The following TNRC6C variants were observed in gnomAD, a reference collection of about 807,000 sequenced individuals.
The protein encoded by TNRC6C is trinucleotide repeat containing adaptor 6C, also known as trinucleotide repeat-containing gene 6C protein.
TNRC6C carries 20 observed loss-of-function variants against 153.7 expected under a neutral mutation model. That is an observed-to-expected ratio of 0.13 (90% CI 0.09 to 0.19). TNRC6C has a LOEUF of 0.19. Ranked by LOEUF, TNRC6C falls within the 10% of genes least tolerant of loss-of-function variation. The pLI is 1.00. For synonymous variants in TNRC6C, 811 were observed against 841.4 expected (o/e 0.96, Z 0.63); for missense variants, 1,987 against 2,172.0 (o/e 0.91, Z 1.69).
rs1332079577 is a variant in TNRC6C, at chr17:78,049,707, G to A, written c.645G>A (p.Gly215=). Residue 215 remains glycine (G), a synonymous_variant, in exon 3 of 20, where the codon GGG becomes GGA. Transcript: ENST00000301624. The surrounding 1 kb of genome is among the most constrained non-coding windows in gnomAD (Gnocchi z 4.1). ...ACTGGGGCATGGCTGTTGGTATGGG[G>A]GCCATCATCCCGCCCCACCTGCAAG... 1 of 1,603,336 alleles carries A rather than the reference G, an allele frequency of 6.2e-7. No individual in the cohort carries two copies. The highest frequency in any genetic ancestry group is 8.5e-7 in the Non-Finnish European group (1 of 1,173,154).
rs1178493766 is a variant in TNRC6C at position 78,051,545 on chromosome 17, A to G, written c.2395+88A>G. On this transcript the variant is annotated intron_variant, in intron 3 of 19. Coordinates refer to ENST00000301624, the Ensembl canonical transcript of TNRC6C. ...ATGAATACTCCGAGTAGTGTTTTTT[A>G]TAGCAAATAGCATTAAAATAATTTA... The G allele has an allele frequency of 4.1e-6, 5 of 1,221,950 alleles. No individual in the cohort carries two copies. The Admixed American group carries it at 1.0e-4, about 25-fold the overall frequency. 75.7% of individuals were successfully genotyped at this position (1,221,950 alleles called of 1,614,324 possible). A position where few individuals can be genotyped will look rare whatever the true frequency, so the allele number is the denominator to read the frequency against.
chr17:77,995,281 G>A (rs555333677), intron 1 of TNRC6C, among the ~76,000 whole-genome samples: 18 of 152,338 alleles, frequency 1.2e-4, no homozygotes, highest in African/African-American at 4.3e-4. Flanking sequence ...TCTCACCAGA[G>A]GCACTGTGTG....
Position 77,971,890 on chromosome 17 carries a change from T to C in TNRC6C, c.-38+12622T>C, listed in dbSNP as rs145880402. 1.1e-3 allele frequency among the ~76,000 whole-genome samples: 170 copies of C among 149,864 alleles called. 1 individual carries two copies. The highest frequency in any genetic ancestry group is 4.0e-3 in the African/African-American group (163 of 40,904). ...GTTAAAAAAAAAAAAAAAGAACATG[T>C]CAAAATTGACATGATGCAACTAAAC... is the stretch of plus-strand genomic sequence containing the variant. On this transcript the variant is annotated intron_variant, in intron 1 of 22. Coordinates refer to the TNRC6C transcript ENST00000636222.
chr17:78,086,548 C>T (rs1342343580), exon 12 of TNRC6C: 4 of 1,613,754 alleles, frequency 2.5e-6, no homozygotes, highest in Admixed American at 1.7e-5. Flanking sequence ...ACAGGCCCAG[C>T]GTAATGTGTC....
intron 3 of TNRC6C, among the ~76,000 whole-genome samples, chr17:78,055,188 AT>A (rs2072628690): frequency 6.6e-6 from 1 of 152,212 alleles, no homozygotes; most frequent in Admixed American, 6.5e-5. Flanking sequence ...TCACAAAAGT[AT>A]TTTTTATATT....
At chr17:78,064,610 A>G in intron 3 of TNRC6C, 112 bp from the exon 6 acceptor site, 1 of 1,022,714 alleles carries the variant, frequency 9.8e-7, no homozygotes, top group South Asian at 1.4e-5. Context: ...ACTAAAGGCT[A>G]TTCTAAGGAT....
intron 13 of TNRC6C, among the ~76,000 whole-genome samples, chr17:78,089,057 T>C (rs570454796): frequency 6.7e-6 from 1 of 149,040 alleles, no homozygotes; most frequent in Non-Finnish European, 1.5e-5. Context: ...AACCTCCACC[T>C]TCTGGATTCA....
At chr17:77,977,438 T>G (rs1041653527) in intron 1 of TNRC6C, among the ~76,000 whole-genome samples, 1 of 152,176 alleles carries the variant, frequency 6.6e-6, no homozygotes, top group African/African-American at 2.4e-5. Flanking sequence ...CTTTGGGTTA[T>G]GAAAAGGAAC....
intron 1 of TNRC6C, chr17:78,012,124 G>T (rs1008284760): frequency 4.6e-5 from 7 of 152,126 alleles, no homozygotes; most frequent in Admixed American, 3.9e-4. Flanking sequence ...AGTAATATCA[G>T]AAAATATGCA....
At chr17:78,064,906 A>G (rs1374703336) in exon 4 of TNRC6C, 2 of 1,611,370 alleles carry the variant, frequency 1.2e-6, no homozygotes, top group African/African-American at 1.3e-5. Flanking sequence ...GAGCTGGCGC[A>G]CCTGTTGCTG....
chr17:77,979,160 A>G (rs931945257), intron 1 of TNRC6C, among the ~76,000 whole-genome samples: 1 of 152,242 alleles, frequency 6.6e-6, no homozygotes, highest in East Asian at 1.9e-4. Flanking sequence ...ACTGGACACT[A>G]TTAAAAAAGT....
At chr17:78,106,819 A>G (rs2073705322) in exon 20 of TNRC6C, 1 of 151,788 alleles carries the variant, frequency 6.6e-6, no homozygotes, top group South Asian at 2.1e-4. Context: ...CTGCTTGATC[A>G]GGAAACTTGT....
intron 3 of TNRC6C, among the ~76,000 whole-genome samples, chr17:78,060,895 T>G (rs865927627): frequency 2.0e-5 from 3 of 152,236 alleles, no homozygotes; most frequent in Admixed American, 1.3e-4. Context: ...GCTTAAGATG[T>G]GATGTGCTTA....
At chr17:78,086,741 C>T in intron 12 of TNRC6C, 112 bp from the exon 15 acceptor site, 1 of 1,571,380 alleles carries the variant, frequency 6.4e-7, no homozygotes, top group East Asian at 2.2e-5. Flanking sequence ...AGGAGGTTGG[C>T]CTAGCCAGTA....
exon 3 of TNRC6C, chr17:78,050,432 A>G: frequency 6.2e-7 from 1 of 1,614,054 alleles, no homozygotes; most frequent in South Asian, 1.1e-5. Flanking sequence ...GTAAAGCAAA[A>G]CACTGCCTGG....
chr17:77,972,003 A>G (rs941897452), intron 1 of TNRC6C, among the ~76,000 whole-genome samples: 2 of 152,202 alleles, frequency 1.3e-5, no homozygotes, highest in African/African-American at 4.8e-5. Flanking sequence ...TTAAGCTTCT[A>G]CCTTCTGAAT....
At chr17:78,042,459 A>C (rs2072315897) in intron 2 of TNRC6C, among the ~76,000 whole-genome samples, 1 of 152,178 alleles carries the variant, frequency 6.6e-6, no homozygotes, top group Non-Finnish European at 1.5e-5. Flanking sequence ...ACGTGTATGG[A>C]AATACTTCAA....
chr17:77,963,996 A>G (rs1598635161), intron 1 of TNRC6C, among the ~76,000 whole-genome samples: 1 of 152,098 alleles, frequency 6.6e-6, no homozygotes, highest in Non-Finnish European at 1.5e-5. Context: ...TCTGTTGGAG[A>G]ACCACTGCCC....
chr17:78,081,933 G>C (rs571007794), intron 10 of TNRC6C, among the ~76,000 whole-genome samples: 1 of 152,020 alleles, frequency 6.6e-6, no homozygotes, highest in East Asian at 1.9e-4. Flanking sequence ...TGGAGGATGA[G>C]ATCTCTGAAG....
Sources: gnomAD v4.1 joint callset for allele counts (sites outside exome capture counted in the v4.1 genomes callset) on GRCh38, gnomAD v4.1.1 for gene constraint, Gnocchi (gnomAD v3.1) non-coding constraint, MANE v1.5 for transcripts, NCBI Gene and HGNC (gene_info 2026-07-23, HGNC 2026-07-21) for gene names.